Variants in ACTN1 observed in about 807,000 individuals in gnomAD.
ACTN1 encodes the protein actinin alpha 1, also known as alpha-actinin-1.
In ACTN1, 30 loss-of-function variants were observed where a neutral mutation model predicts 119.6. The observed-to-expected ratio is 0.25, with a 90% CI of 0.19 to 0.34. The LOEUF (loss-of-function observed/expected upper bound fraction) is 0.34. Among genes scored for constraint, ACTN1 ranks in the 10% least tolerant of loss-of-function variants. The pLI is 1.00. For missense variants in ACTN1, 764 were observed against 1,223.4 expected (o/e 0.62, Z 5.60); for synonymous variants, 429 against 472.6 (o/e 0.91, Z 1.20).
chr14:68,909,345 C>A lies in ACTN1; in HGVS notation c.567G>T (p.Glu189Asp). 2 of 1,614,086 alleles carry A rather than the reference C, an allele frequency of 1.2e-6. No homozygotes were observed. Among genetic ancestry groups the A allele is most frequent in the Non-Finnish European group, 1.7e-6 (2 of 1,179,996 alleles). Residue 189 changes from glutamate to aspartate, a missense_variant, in exon 6 of 22, where the codon GAG becomes GAT. Coordinates refer to ENST00000394419, the MANE Select transcript of ACTN1 (RefSeq NM_001130004.2). The surrounding 1 kb of genome is among the most constrained non-coding windows in gnomAD (Gnocchi z 4.1). ...FCALIHRHRP[E>D]LIDYGKLRKD... is the part of the protein sequence containing the mutation. ...TCCGCAGCTTCCCGTAGTCAATCAG[C>A]TCGGGCCGGTGTCGGTGGATCAAAG...
chr14:68,912,334 C>A, intron 3 of ACTN1, 92 bp from the exon 4 acceptor site: 2 of 1,006,736 alleles, frequency 2.0e-6, no homozygotes. Flanking sequence ...ATGCCCCACG[C>A]TAGGAATCAA....
chr14:68,939,257 A>G (rs573935796), intron 1 of ACTN1, among the ~76,000 whole-genome samples: 41 of 152,186 alleles, frequency 2.7e-4, no homozygotes, highest in Non-Finnish European at 5.4e-4. Flanking sequence ...CTCCTCGCCA[A>G]TGAGAGTCAA....
intron 3 of ACTN1, among the ~76,000 whole-genome samples, chr14:68,918,608 A>C (rs1427598609): frequency 2.0e-5 from 3 of 150,340 alleles, no homozygotes; most frequent in Non-Finnish European, 4.4e-5. Context: ...GAAGTTTCAG[A>C]TCTTAGGCCA....
Position 68,884,240 on chromosome 14 carries a change from G to A in ACTN1, c.1563C>T (p.Phe521=). 5 of 1,614,090 alleles carry A rather than the reference G, an allele frequency of 3.1e-6. No homozygotes were observed. Among genetic ancestry groups the A allele is most frequent in the Non-Finnish European group, 4.2e-6 (5 of 1,180,002 alleles). The part of the protein sequence containing the change: ...YLEYAKRAAP[F]NNWMEGAMED... The stretch of plus-strand genomic sequence containing the variant: ...CCATGGCCCCCTCCATCCAGTTGTT[G>A]AAGGGTGCAGCCCGCTTGGCATACT... The change falls in exon 14 of 22, where the codon TTC becomes TTT. Residue 521 remains phenylalanine (F), a synonymous_variant. Transcript: ENST00000394419.
intron 13 of ACTN1, 66 bp downstream of exon 13, chr14:68,884,709 A>G: frequency 7.4e-7 from 1 of 1,350,570 alleles, no homozygotes; most frequent in Non-Finnish European, 1.1e-6. Context: ...AAGAGAGTCA[A>G]GAAGCAGGAA....
intron 1 of ACTN1, among the ~76,000 whole-genome samples, chr14:68,951,990 C>T (rs1489666744): frequency 6.6e-6 from 1 of 152,292 alleles, no homozygotes; most frequent in East Asian, 1.9e-4. Flanking sequence ...TCCCCAGGGC[C>T]GGCCCTTTAA....
chr14:68,883,646 T>TCA (rs2031753203), intron 14 of ACTN1, among the ~76,000 whole-genome samples: 1 of 152,106 alleles, frequency 6.6e-6, no homozygotes, highest in Admixed American at 6.6e-5. Flanking sequence ...GGCATGGTGA[T>TCA]GTGAGCCTGT....
intron 8 of ACTN1, among the ~76,000 whole-genome samples, chr14:68,902,100 T>C (rs1303537826): frequency 6.6e-6 from 1 of 152,246 alleles, no homozygotes; most frequent in Non-Finnish European, 1.5e-5. Context: ...GAGCTCCAGC[T>C]GCTCTATCGA....
intron 1 of ACTN1, among the ~76,000 whole-genome samples, chr14:68,961,565 CACGGGGGT>C (rs1480503222): frequency 6.6e-6 from 1 of 152,172 alleles, no homozygotes; most frequent in East Asian, 1.9e-4. Flanking sequence ...GGCGCGGGGG[CACGGGGGT>C]GGGCTATAGG....
intron 3 of ACTN1, 121 bp downstream of exon 3, chr14:68,920,885 G>T: frequency 7.4e-7 from 1 of 1,350,946 alleles, no homozygotes; most frequent in Admixed American, 2.2e-5. Flanking sequence ...GAGGTGCTGG[G>T]GACCCACTGC....
At chr14:68,901,249 G>GTTTTTTTTTTT (rs564351239) in intron 8 of ACTN1, among the ~76,000 whole-genome samples, 34 of 103,488 alleles carry the variant, frequency 3.3e-4, no homozygotes, top group East Asian at 8.3e-4. Context: ...TTTTTGTTTT[G>GTTTTTTTTTTT]TTTTTTTTTT....
At chr14:68,959,986 TTAAAA>T (rs575980479) in intron 1 of ACTN1, among the ~76,000 whole-genome samples, 154 of 152,352 alleles carry the variant, frequency 1.0e-3, no homozygotes, top group Non-Finnish European at 2.0e-3. Flanking sequence ...TACTGCATTC[TTAAAA>T]TAAGGTAAGC....
Position 68,916,484 on chromosome 14 carries a change from G to A in ACTN1, c.341-4242C>T, listed in dbSNP as rs185723016. On this transcript the variant is annotated intron_variant, in intron 3 of 21. Transcript: ENST00000394419. ...TAGTTTCACTCCAGAAAACAGAGGCGCCAAGCACGAGCATAGAGAGTAGGG... is the reference window on the plus strand; with the variant it reads ...TAGTTTCACTCCAGAAAACAGAGGCACCAAGCACGAGCATAGAGAGTAGGG... 2.9e-3 allele frequency among the ~76,000 whole-genome samples: 439 copies of A among 152,316 alleles called. 1 individual carries two copies. Among genetic ancestry groups the A allele is most frequent in the African/African-American group, 6.3e-3 (261 of 41,560 alleles).
chr14:68,959,274 C>A (rs2036450550), intron 1 of ACTN1, among the ~76,000 whole-genome samples: 1 of 152,234 alleles, frequency 6.6e-6, no homozygotes. Flanking sequence ...CAGCTCCCCA[C>A]AGAAATGCCT....
chr14:68,908,507 G>A (rs1275129185), intron 6 of ACTN1, among the ~76,000 whole-genome samples: 2 of 152,212 alleles, frequency 1.3e-5, no homozygotes, highest in Non-Finnish European at 2.9e-5. Flanking sequence ...ACAGATAGGC[G>A]ACATTCCAAC....
Position 68,879,778 on chromosome 14 carries a change from G to A in ACTN1, c.2280+184C>T. ...CCCGGAAAGCAGGGAAGCTTATGGG[G>A]CACCAACACAGGTTTTCCAAGGCTG... On this transcript the variant is annotated intron_variant, in intron 18 of 21. Transcript: ENST00000394419. The surrounding 1 kb of genome is among the most constrained non-coding windows in gnomAD (Gnocchi z 4.9). 1 of 741,062 alleles carries A rather than the reference G, an allele frequency of 1.3e-6. No homozygotes were observed. The highest frequency in any genetic ancestry group is 2.1e-6 in the Non-Finnish European group (1 of 469,598). The allele number at this position is 741,062 out of a possible 1,614,324, so 45.9% of individuals were successfully genotyped here.
At chr14:68,887,745 A>T (rs1273740973) in intron 11 of ACTN1, 1 of 1,354,772 alleles carries the variant, frequency 7.4e-7, no homozygotes, top group East Asian at 2.3e-5. Context: ...ATTGTACAAG[A>T]AGGGAGACAG....
rs780971198 is a variant in ACTN1, at chr14:68,877,079, C to A, written c.2586+3G>T. The A allele has an allele frequency of 6.2e-7, 1 of 1,613,978 alleles. No individual in the cohort carries two copies. Among genetic ancestry groups the A allele is most frequent in the South Asian group, 1.1e-5 (1 of 91,046 alleles). ...GCACAGTGCCCACCCATAGGACACC[C>A]ACCTTGTCCCCAGCCAGGATCTTGA... On this transcript the variant is annotated splice_donor_region_variant and intron_variant, in intron 21 of 21. Transcript: ENST00000394419.
chr14:68,932,961 C>T (rs2140437766), intron 1 of ACTN1, among the ~76,000 whole-genome samples: 1 of 152,196 alleles, frequency 6.6e-6, no homozygotes, highest in Non-Finnish European at 1.5e-5. Flanking sequence ...TACGTATTGA[C>T]CATTTGCTAC....
Sources: allele counts gnomAD v4.1 joint callset (sites outside exome capture counted in the v4.1 genomes callset), GRCh38; gene constraint gnomAD v4.1.1; non-coding constraint Gnocchi (gnomAD v3.1); transcripts MANE v1.5; gene names NCBI Gene and HGNC (gene_info 2026-07-23, HGNC 2026-07-21).